The following XYLB variants were observed in gnomAD, a reference collection of about 807,000 sequenced individuals.
XYLB encodes the protein xylulose kinase.
Under a neutral mutation model 78.7 loss-of-function variants are expected in XYLB, and 62 were observed. The observed-to-expected ratio is 0.79, with a 90% CI of 0.64 to 0.97. The LOEUF (loss-of-function observed/expected upper bound fraction) is 0.97. Ranked by LOEUF, XYLB falls within the 50% of genes least tolerant of loss-of-function variation. The pLI, the probability that XYLB is intolerant of heterozygous loss-of-function variation, is 0.00. For synonymous variants in XYLB, 245 were observed against 247.4 expected, an observed-to-expected ratio of 0.99 and a Z score of 0.09; for missense variants, 687 against 676.8, an observed-to-expected ratio of 1.02 and a Z score of -0.17.
chr3:38,359,207 A>G (rs1414659741), intron 2 of XYLB, among the ~76,000 whole-genome samples: 7 of 152,268 alleles, frequency 4.6e-5, no homozygotes, highest in Non-Finnish European at 7.3e-5. Context: ...AAGCAGAGAA[A>G]CAGGCTGTGG....
chr3:38,372,384 C>A (rs962324882), intron 9 of XYLB: 1 of 985,060 alleles, frequency 1.0e-6, no homozygotes, highest in Non-Finnish European at 1.2e-6. Context: ...GGTTTGTTCT[C>A]TCTATCTTAA....
At chr3:38,410,659 A>G (rs371025901) in intron 18 of XYLB, among the ~76,000 whole-genome samples, 2 of 152,212 alleles carry the variant, frequency 1.3e-5, no homozygotes, top group Admixed American at 1.3e-4. Context: ...AATATCCAGA[A>G]TCTACAATGA....
chr3:38,364,889 T>G (rs2125580579), intron 4 of XYLB, among the ~76,000 whole-genome samples: 1 of 152,362 alleles, frequency 6.6e-6, no homozygotes, highest in Middle Eastern at 3.4e-3. Context: ...AGTGAATAAA[T>G]AAATGAATTT....
intron 15 of XYLB, among the ~76,000 whole-genome samples, chr3:38,392,222 A>C (rs1243933902): frequency 6.6e-6 from 1 of 152,164 alleles, no homozygotes; most frequent in African/African-American, 2.4e-5. Context: ...CAACCTTTAA[A>C]TCTGTTGCCA....
At chr3:38,398,867 CA>C (rs202076058) in intron 17 of XYLB, among the ~76,000 whole-genome samples, 3,494 of 141,196 alleles carry the variant, frequency 0.025, 136 homozygotes, top group East Asian at 0.17. Context: ...TACTAAAATA[CA>C]AAAAAAAAAA....
At chr3:38,388,171 T>TTTG (rs569679534) in intron 15 of XYLB, among the ~76,000 whole-genome samples, 37 of 11,416 alleles carry the variant, frequency 3.2e-3, no homozygotes, top group South Asian at 0.017. Context: ...TTTTTTTTGT[T>TTTG]TTTTTTTTTT....
chr3:38,441,874 C>T, the XYLB span, among the ~76,000 whole-genome samples: 1 of 152,168 alleles, frequency 6.6e-6, no homozygotes, highest in Non-Finnish European at 1.5e-5. Context: ...AGAGCTAATC[C>T]TGCTCTCTCT....
chr3:38,447,964 C>A, the XYLB span, among the ~76,000 whole-genome samples: 1 of 152,126 alleles, frequency 6.6e-6, no homozygotes, highest in East Asian at 1.9e-4. Context: ...TGACTGTAAT[C>A]CTAACACTTG....
rs1242796773 is a variant in XYLB at position 38,365,638 on chromosome 3, T to TGGATGGAC, written c.410_417dup (p.Ser140GlyfsTer83). 1 of 1,613,772 alleles carries TGGATGGAC rather than the reference T, an allele frequency of 6.2e-7. No individual in the cohort carries two copies. The highest frequency in any genetic ancestry group is 1.3e-5 in the African/African-American group (1 of 74,942). On this transcript the variant is annotated frameshift_variant, in exon 6 of 19. Coordinates refer to ENST00000207870, the MANE Select transcript of XYLB (RefSeq NM_005108.4). LOFTEE classifies it high-confidence loss of function. ...TTTCTCCATCAGCGACTGCCCGGTG[T>TGGATGGAC]GGATGGACTCCAGCACCACAGCCCA...
chr3:38,349,392 G>GCATTTT (rs1370673494), intron 2 of XYLB, among the ~76,000 whole-genome samples: 1 of 152,208 alleles, frequency 6.6e-6, no homozygotes, highest in Non-Finnish European at 1.5e-5. Flanking sequence ...ATGACAGGTT[G>GCATTTT]TATTTTTGTT....
chr3:38,404,735 A>G (rs1290157107), intron 18 of XYLB, among the ~76,000 whole-genome samples: 2 of 152,224 alleles, frequency 1.3e-5, no homozygotes, highest in Non-Finnish European at 2.9e-5. Flanking sequence ...TTCAGGCACG[A>G]GAATCACTTG....
chr3:38,359,229 C>T (rs1473726992), intron 2 of XYLB, among the ~76,000 whole-genome samples: 5 of 152,254 alleles, frequency 3.3e-5, no homozygotes, highest in Non-Finnish European at 7.3e-5. Context: ...TGATTATCTG[C>T]AGCAGGAACA....
At chr3:38,408,228 ACT>A (rs1412864888) in intron 18 of XYLB, among the ~76,000 whole-genome samples, 1 of 152,094 alleles carries the variant, frequency 6.6e-6, no homozygotes, top group Admixed American at 6.6e-5. Flanking sequence ...GGATTAAGAA[ACT>A]CACTCAAAAC....
At chr3:38,434,990 A>T in the XYLB span, among the ~76,000 whole-genome samples, 1 of 152,122 alleles carries the variant, frequency 6.6e-6, no homozygotes, top group South Asian at 2.1e-4. Flanking sequence ...AACAAAAATT[A>T]GCTACGTGTG....
At chr3:38,430,613 T>G in the XYLB span, among the ~76,000 whole-genome samples, 1 of 152,182 alleles carries the variant, frequency 6.6e-6, no homozygotes, top group Non-Finnish European at 1.5e-5. Flanking sequence ...GGTGTTTTAG[T>G]CATGAAGTCC....
chr3:38,401,771 G>C (rs1237476640), intron 18 of XYLB, among the ~76,000 whole-genome samples: 1 of 152,136 alleles, frequency 6.6e-6, no homozygotes, highest in Non-Finnish European at 1.5e-5. Flanking sequence ...ACTCCCATCA[G>C]TTGGGAGAAT....
downstream of XYLB, among the ~76,000 whole-genome samples, chr3:38,425,987 C>G (rs181445197): frequency 7.0e-3 from 1,064 of 152,318 alleles, 8 homozygotes; most frequent in African/African-American, 0.025. Context: ...GTAAAGCTTT[C>G]TGGTCCTTGG....
chr3:38,356,737 T>C (rs537697690), intron 2 of XYLB: 1 of 152,374 alleles, frequency 6.6e-6, no homozygotes, highest in South Asian at 2.1e-4. Flanking sequence ...TATCAGAGTT[T>C]GTTTTTCCAT....
intron 18 of XYLB, among the ~76,000 whole-genome samples, chr3:38,408,472 G>T (rs1359781395): frequency 1.5e-4 from 22 of 150,466 alleles, no homozygotes; most frequent in African/African-American, 5.1e-4. Context: ...ACAATTAAAA[G>T]AACTAGAAAA....
Sources: gnomAD v4.1 joint callset for allele counts (sites outside exome capture counted in the v4.1 genomes callset) on GRCh38, gnomAD v4.1.1 for gene constraint, MANE v1.5 for transcripts, NCBI Gene and HGNC (gene_info 2026-07-23, HGNC 2026-07-21) for gene names.